Variants in DCAF4 observed in about 807,000 individuals in gnomAD.
The protein encoded by DCAF4 is DDB1 and CUL4 associated factor 4, also known as DDB1- and CUL4-associated factor 4.
In DCAF4, 37 loss-of-function variants were observed where a neutral mutation model predicts 60.9. The observed-to-expected ratio is 0.61, with a 90% CI of 0.47 to 0.80. The LOEUF is 0.80. DCAF4 is among the 30% of genes least tolerant of loss of function. The pLI is 0.00. For missense variants in DCAF4, 577 were observed against 650.0 expected, an observed-to-expected ratio of 0.89 and a Z score of 1.22; for synonymous variants, 243 against 254.8, an observed-to-expected ratio of 0.95 and a Z score of 0.44.
At chr14:72,956,246 A>C in intron 12 of DCAF4, 140 bp from the exon 13 acceptor site, 1 of 616,868 alleles carries the variant, frequency 1.6e-6, no homozygotes, top group Non-Finnish European at 2.8e-6. Flanking sequence ...GATGAACAAC[A>C]AGGCTCAAGA....
Position 72,954,438 on chromosome 14 carries a change from C to A in DCAF4, c.960C>A (p.Ser320=), listed in dbSNP as rs2140304478. The change falls in exon 11 of 14, where the codon TCC becomes TCA. Residue 320 remains serine (S), a synonymous_variant. Transcript: ENST00000358377. ...LTNVVTGHRQ[S]FGTNSDVLAQ... ...ACGTGGTGACGGGACACCGGCAGTC[C>A]TTTGGGACCAACAGTGATGTCTTGG... is the stretch of plus-strand genomic sequence containing the variant. 1 of 1,614,236 alleles carries A rather than the reference C, an allele frequency of 6.2e-7. No homozygotes were observed. The highest frequency in any genetic ancestry group is 1.7e-5 in the Admixed American group (1 of 60,024).
chr14:72,945,032 C>T (rs1020756708), intron 6 of DCAF4, among the ~76,000 whole-genome samples: 7 of 151,872 alleles, frequency 4.6e-5, no homozygotes, highest in Non-Finnish European at 7.4e-5. Flanking sequence ...GAGATTTCAG[C>T]AAGCTGAGGT....
rs1891959302 is a variant in DCAF4, at chr14:72,954,210, C to G, written c.855C>G (p.Ala285=). ...TCTGCAGTTTCCGGATCCCTGGTGC[C>G]TGGTCCTGTGCCTGGTCCCTGAATA... ...GMLCSFRIPG[A]WSCAWSLNIQ... is the part of the protein sequence containing the mutation. Residue 285 remains alanine, a synonymous_variant, in exon 10 of 14, where the codon GCC becomes GCG. Coordinates refer to ENST00000358377, the MANE Select transcript of DCAF4 (RefSeq NM_015604.4). 1 of 1,614,184 alleles carries G rather than the reference C, an allele frequency of 6.2e-7. No individual in the cohort carries two copies. The highest frequency in any genetic ancestry group is 8.5e-7 in the Non-Finnish European group (1 of 1,180,040).
chr14:72,934,780 T>C (rs939841482), intron 1 of DCAF4, among the ~76,000 whole-genome samples: 5 of 152,326 alleles, frequency 3.3e-5, no homozygotes, highest in Admixed American at 2.6e-4. Flanking sequence ...CCAAGCCAGG[T>C]AGCACAGCTT....
At chr14:72,953,768 A>AT (rs1891857037) in intron 9 of DCAF4, among the ~76,000 whole-genome samples, 1 of 20,044 alleles carries the variant, frequency 5.0e-5, no homozygotes, top group African/African-American at 1.4e-4. Flanking sequence ...TATATAGTTT[A>AT]TTTATTTATT....
At chr14:72,960,932 C>T (rs1419966047), downstream of DCAF4, among the ~76,000 whole-genome samples, 8 of 151,298 alleles carry the variant, frequency 5.3e-5, no homozygotes, top group Middle Eastern at 3.4e-3. Flanking sequence ...AGCTGGAGTG[C>T]ATGAGTTGCA....
chr14:72,941,697 A>G (rs780000310), intron 4 of DCAF4, 48 bp from the exon 5 acceptor site: 43 of 1,567,472 alleles, frequency 2.7e-5, no homozygotes, highest in Non-Finnish European at 3.5e-5. Flanking sequence ...ATCATCCCCT[A>G]ACAAATAAAT....
Position 72,958,998 on chromosome 14 carries a change from T to C in DCAF4, c.*193T>C. 7.9e-7 allele frequency: 1 copy of C among 1,258,008 alleles called. No individual in the cohort carries two copies. Among genetic ancestry groups the C allele is most frequent in the Non-Finnish European group, 1.0e-6 (1 of 1,003,070 alleles). The allele number at this position is 1,258,008 out of a possible 1,614,324, so 77.9% of individuals were successfully genotyped here. ...AAGTTATTTGAGTTAAATTGCTGGC[T>C]GAGAGAGCTTGGAAGTCCTTTTCAT... On this transcript the variant is annotated 3_prime_UTR_variant, in exon 14 of 14. Coordinates refer to ENST00000358377, the MANE Select transcript of DCAF4 (RefSeq NM_015604.4).
In DCAF4 at chr14:72,945,774, C is replaced by T. The variant is rs900696984; in HGVS notation, c.535-110C>T. ...CTCGCTCATGGAGAGGAACTCTCACCTAGTGAAAATGCACAGAGCATGGGG... is the reference window on the plus strand; with the variant it reads ...CTCGCTCATGGAGAGGAACTCTCACTTAGTGAAAATGCACAGAGCATGGGG... On this transcript the variant is annotated intron_variant, in intron 6 of 13. Coordinates refer to ENST00000358377, the MANE Select transcript of DCAF4 (RefSeq NM_015604.4). The T allele has an allele frequency of 4.3e-6, 6 of 1,410,724 alleles. No homozygotes were observed. The African/African-American group carries it at 7.1e-5, about 17-fold the overall frequency. The allele number at this position is 1,410,724 out of a possible 1,614,324, so 87.4% of individuals were successfully genotyped here.
chr14:72,959,562 G>C lies in DCAF4; in HGVS notation c.*757G>C. The C allele has an allele frequency of 1.0e-6, 1 of 985,468 alleles. No homozygotes were observed. Among genetic ancestry groups the C allele is most frequent in the Non-Finnish European group, 1.2e-6 (1 of 829,920 alleles). 61.0% of individuals were successfully genotyped at this position (985,468 alleles called of 1,614,324 possible). A position where few individuals can be genotyped will look rare whatever the true frequency, so the allele number is the denominator to read the frequency against. On this transcript the variant is annotated 3_prime_UTR_variant, in exon 14 of 14. Coordinates refer to ENST00000358377, the MANE Select transcript of DCAF4 (RefSeq NM_015604.4). ...CAAAGGAAATTGGTTTTGACTTTTT[G>C]TAATCTAGGAGCGACAGTTCGTGAG...
chr14:72,931,369 C>G (rs1888561387), intron 1 of DCAF4, among the ~76,000 whole-genome samples: 1 of 142,280 alleles, frequency 7.0e-6, no homozygotes, highest in Non-Finnish European at 1.5e-5. Context: ...TCAGGCTGTT[C>G]ATTGCCTGAA....
chr14:72,934,272 G>A (rs1888967955), intron 1 of DCAF4, among the ~76,000 whole-genome samples: 1 of 151,834 alleles, frequency 6.6e-6, no homozygotes, highest in Non-Finnish European at 1.5e-5. Flanking sequence ...TCCTGCCTCA[G>A]CCTCCCAAGT....
intron 4 of DCAF4, 28 bp from the exon 5 acceptor site, chr14:72,941,717 A>G: frequency 6.3e-7 from 1 of 1,597,876 alleles, no homozygotes; most frequent in Non-Finnish European, 8.6e-7. Flanking sequence ...TCTTCATTGA[A>G]TTGTTCTCTT....
intron 1 of DCAF4, among the ~76,000 whole-genome samples, chr14:72,930,827 A>T (rs529800148): frequency 6.6e-6 from 1 of 152,260 alleles, no homozygotes; most frequent in East Asian, 1.9e-4. Context: ...ATTCTTTTGC[A>T]GTTTGATATT....
chr14:72,930,617 C>T (rs1408039895), intron 1 of DCAF4, among the ~76,000 whole-genome samples: 2 of 149,640 alleles, frequency 1.3e-5, no homozygotes, highest in African/African-American at 4.9e-5. Flanking sequence ...TGATGAAGCC[C>T]AATTTATGTG....
chr14:72,931,908 C>T (rs1267260701), intron 1 of DCAF4, among the ~76,000 whole-genome samples: 1 of 151,624 alleles, frequency 6.6e-6, no homozygotes, highest in African/African-American at 2.4e-5. Context: ...TTATATGCTC[C>T]TGGATTTTGC....
rs1310132334 is a variant in DCAF4, at chr14:72,953,730, AAAATATATATAT to A, written c.809-432_809-421del. ...GTCTTAAAAAAAAAAAAAAAAAAAA[AAAATATATATAT>A]ATATATATATATATATATATAGTTT... On this transcript the variant is annotated intron_variant, in intron 9 of 13. Coordinates refer to ENST00000358377, the MANE Select transcript of DCAF4 (RefSeq NM_015604.4). 1.8e-3 allele frequency among the ~76,000 whole-genome samples: 49 copies of A among 27,786 alleles called. 5 individuals are homozygous for A. The highest frequency in any genetic ancestry group is 1.9e-3 in the African/African-American group (11 of 5,826). The allele number at this position is 27,786 out of a possible 152,430, so 18.2% of individuals were successfully genotyped here.
At chr14:72,930,677 G>C (rs977522738) in intron 1 of DCAF4, among the ~76,000 whole-genome samples, 1 of 152,114 alleles carries the variant, frequency 6.6e-6, no homozygotes, top group East Asian at 1.9e-4. Flanking sequence ...AGTTTTGGGT[G>C]TCATATTTGA....
At chr14:72,954,076 T>C in intron 9 of DCAF4, 88 bp from the exon 10 acceptor site, 2 of 1,364,542 alleles carry the variant, frequency 1.5e-6, no homozygotes, top group South Asian at 1.2e-5. Flanking sequence ...TGAGCAGCTA[T>C]GGGCATATTT....
Sources: gnomAD v4.1 joint callset for allele counts (sites outside exome capture counted in the v4.1 genomes callset) on GRCh38, gnomAD v4.1.1 for gene constraint, MANE v1.5 for transcripts, NCBI Gene and HGNC (gene_info 2026-07-23, HGNC 2026-07-21) for gene names.